The following CCDC102B variants were observed in gnomAD, a reference collection of about 807,000 sequenced individuals.
CCDC102B encodes coiled-coil domain-containing protein 102B.
In CCDC102B, 75 loss-of-function variants were observed where a neutral mutation model predicts 57.4. The observed-to-expected ratio is 1.31, with a 90% CI of 1.08 to 1.58. The LOEUF (loss-of-function observed/expected upper bound fraction) is 1.58, where lower values mean the gene tolerates loss of function less well. Ranked by LOEUF, CCDC102B falls within the 40% of genes most tolerant of loss-of-function variation. The probability of loss-of-function intolerance (pLI) is 0.00; values close to 1 mark genes in which losing one functional copy is unlikely to be tolerated. For synonymous variants in CCDC102B, 206 were observed against 201.9 expected (o/e 1.02, Z -0.17); for missense variants, 636 against 582.6 (o/e 1.09, Z -0.94).
chr18:68,944,009 C>T (rs2049462461), intron 6 of CCDC102B, among the ~76,000 whole-genome samples: 1 of 152,136 alleles, frequency 6.6e-6, no homozygotes, highest in South Asian at 2.1e-4. Flanking sequence ...CGGACAGGGA[C>T]TCAAGGCTTT....
chr18:68,899,425 C>CTA (rs142222036), intron 6 of CCDC102B, among the ~76,000 whole-genome samples: 4,970 of 146,740 alleles, frequency 0.034, 139 homozygotes, highest in African/African-American at 0.076. Flanking sequence ...TACCATGGTG[C>CTA]TATATATATA....
At chr18:68,897,542 C>T (rs762009549) in intron 6 of CCDC102B, 114 bp downstream of exon 6, 12 of 1,549,392 alleles carry the variant, frequency 7.7e-6, no homozygotes, top group East Asian at 2.2e-5. Context: ...TTTGTGCCAG[C>T]TAATACCTGA....
At chr18:69,001,309 C>T (rs1054222824) in intron 6 of CCDC102B, among the ~76,000 whole-genome samples, 1 of 33,120 alleles carries the variant, frequency 3.0e-5, no homozygotes, top group Non-Finnish European at 7.3e-5. Context: ...AGAGTACCTA[C>T]TGATTTGTTG....
chr18:68,852,199 A>G (rs946946029), intron 4 of CCDC102B, among the ~76,000 whole-genome samples: 1 of 152,190 alleles, frequency 6.6e-6, no homozygotes, highest in Non-Finnish European at 1.5e-5. Flanking sequence ...TGAAAGAGCC[A>G]CAACTTGACC....
chr18:68,942,188 A>G (rs1198065751), intron 6 of CCDC102B, among the ~76,000 whole-genome samples: 1 of 152,140 alleles, frequency 6.6e-6, no homozygotes, highest in African/African-American at 2.4e-5. Flanking sequence ...CATACCAAAC[A>G]CTGTAAAACT....
intron 1 of CCDC102B, among the ~76,000 whole-genome samples, chr18:68,829,869 C>T (rs1354665156): frequency 6.6e-6 from 1 of 151,758 alleles, no homozygotes; most frequent in African/African-American, 2.4e-5. Flanking sequence ...TCGATGAATT[C>T]AGTATTAAAG....
chr18:68,980,866 TA>T (rs1043877619), intron 6 of CCDC102B, among the ~76,000 whole-genome samples: 1 of 152,046 alleles, frequency 6.6e-6, no homozygotes, highest in African/African-American at 2.4e-5. Flanking sequence ...CACTGGATTT[TA>T]CTCTGAGATA....
chr18:68,817,948 T>G (rs892638016), intron 1 of CCDC102B, among the ~76,000 whole-genome samples: 1 of 152,182 alleles, frequency 6.6e-6, no homozygotes, highest in Admixed American at 6.5e-5. Context: ...TAGAATTTTG[T>G]GATATATTCC....
chr18:68,997,460 A>G (rs1047474684), intron 6 of CCDC102B, among the ~76,000 whole-genome samples: 1 of 152,056 alleles, frequency 6.6e-6, no homozygotes, highest in Non-Finnish European at 1.5e-5. Context: ...GTTCTGGCAA[A>G]AGGAGTATCA....
chr18:69,014,660 GACATAT>G (rs2051611371), intron 7 of CCDC102B, among the ~76,000 whole-genome samples: 1 of 152,002 alleles, frequency 6.6e-6, no homozygotes, highest in Admixed American at 6.6e-5. Flanking sequence ...AGCAAGAACA[GACATAT>G]ATACTGAGAT....
At chr18:68,970,253 A>G (rs1014910344) in intron 6 of CCDC102B, among the ~76,000 whole-genome samples, 4 of 152,066 alleles carry the variant, frequency 2.6e-5, no homozygotes, top group Admixed American at 2.0e-4. Flanking sequence ...GATAACATGT[A>G]TTTCCTACTG....
chr18:68,749,366 C>A (rs1197761231), intron 2 of CCDC102B, among the ~76,000 whole-genome samples: 1 of 151,980 alleles, frequency 6.6e-6, no homozygotes, highest in Non-Finnish European at 1.5e-5. Flanking sequence ...TTACCTTGGG[C>A]AGTATGGCCA....
At chr18:68,906,256 G>A (rs1364181067) in intron 6 of CCDC102B, among the ~76,000 whole-genome samples, 5 of 152,016 alleles carry the variant, frequency 3.3e-5, no homozygotes, top group Admixed American at 3.3e-4. Flanking sequence ...TCTACCTCTA[G>A]CTCTTTTGAA....
chr18:68,964,208 G>A (rs34446480), intron 6 of CCDC102B, among the ~76,000 whole-genome samples: 42,241 of 151,558 alleles, frequency 0.28, 6,458 homozygotes, highest in Middle Eastern at 0.35. Flanking sequence ...GTACATTCTG[G>A]GATAGTTCCT....
intron 1 of CCDC102B, among the ~76,000 whole-genome samples, chr18:68,812,015 T>C (rs2144714633): frequency 6.6e-6 from 1 of 152,322 alleles, no homozygotes; most frequent in Middle Eastern, 3.4e-3. Flanking sequence ...CCACTGCTGA[T>C]TGAAATAAAA....
chr18:68,939,428 AC>A (rs2049323117), intron 6 of CCDC102B, among the ~76,000 whole-genome samples: 1 of 151,690 alleles, frequency 6.6e-6, no homozygotes, highest in African/African-American at 2.4e-5. Context: ...TTAGAGAAAA[AC>A]ATCCTTCTAT....
chr18:68,979,100 T>C (rs1447715596), intron 6 of CCDC102B, among the ~76,000 whole-genome samples: 7 of 152,050 alleles, frequency 4.6e-5, no homozygotes, highest in Non-Finnish European at 1.0e-4. Context: ...GCTGGCAACA[T>C]TCTGTATTCT....
intron 6 of CCDC102B, among the ~76,000 whole-genome samples, chr18:68,937,171 G>A (rs1470771272): frequency 6.6e-6 from 1 of 151,996 alleles, no homozygotes; most frequent in African/African-American, 2.4e-5. Flanking sequence ...CCTAACACAT[G>A]TGTTTTCTCC....
intron 6 of CCDC102B, among the ~76,000 whole-genome samples, chr18:68,981,526 T>C (rs1391658191): frequency 1.3e-5 from 2 of 151,998 alleles, no homozygotes. Flanking sequence ...TCCTAAGCCA[T>C]TGACTCCTTA....
Sources: allele counts gnomAD v4.1 joint callset (sites outside exome capture counted in the v4.1 genomes callset), GRCh38; gene constraint gnomAD v4.1.1; transcripts MANE v1.5; gene names NCBI Gene and HGNC (gene_info 2026-07-23, HGNC 2026-07-21).